AKAP7: variants seen among roughly 807,000 people sequenced by gnomAD.
The protein encoded by AKAP7 is A kinase (PRKA) anchor protein 7.
In AKAP7, 39 loss-of-function variants were observed where a neutral mutation model predicts 39.5. The observed-to-expected ratio is 0.99, with a 90% CI of 0.76 to 1.29. The LOEUF is 1.29. AKAP7 is among the 50% of genes most tolerant of loss of function. AKAP7 has a pLI of 0.00. For synonymous variants in AKAP7, 140 were observed against 139.1 expected, an observed-to-expected ratio of 1.01 and a Z score of -0.05; for missense variants, 414 against 407.7, an observed-to-expected ratio of 1.02 and a Z score of -0.13.
intron 5 of AKAP7, among the ~76,000 whole-genome samples, chr6:131,182,441 C>T (rs545593684): frequency 5.9e-5 from 9 of 152,252 alleles, no homozygotes; most frequent in Middle Eastern, 3.4e-3. Context: ...CTTAACATAA[C>T]GTCCTTAAGG....
At chr6:131,141,773 C>A (rs1450924706) in intron 1 of AKAP7, among the ~76,000 whole-genome samples, 5 of 152,110 alleles carry the variant, frequency 3.3e-5, no homozygotes, top group African/African-American at 1.2e-4. Flanking sequence ...CTGCAGTTAA[C>A]GTCTCTATGT....
At chr6:131,172,096 GA>G (rs1804112319) in intron 5 of AKAP7, among the ~76,000 whole-genome samples, 1 of 152,154 alleles carries the variant, frequency 6.6e-6, no homozygotes, top group South Asian at 2.1e-4. Flanking sequence ...ATGATAGCTA[GA>G]AGTTTTAAAA....
At chr6:131,275,694 A>C (rs1347310793) in intron 7 of AKAP7, among the ~76,000 whole-genome samples, 1 of 152,198 alleles carries the variant, frequency 6.6e-6, no homozygotes, top group Non-Finnish European at 1.5e-5. Context: ...ATGAGGAGCC[A>C]TGTGGAGGGC....
At chr6:131,260,204 T>C (rs959342133) in intron 7 of AKAP7, among the ~76,000 whole-genome samples, 1 of 152,230 alleles carries the variant, frequency 6.6e-6, no homozygotes, top group Admixed American at 6.5e-5. Context: ...TAGTCTATCA[T>C]TGATGGGCAT....
At chr6:131,152,985 CT>C (rs1802067148) in intron 2 of AKAP7, among the ~76,000 whole-genome samples, 1 of 151,894 alleles carries the variant, frequency 6.6e-6, no homozygotes, top group South Asian at 2.1e-4. Context: ...AAAAAATTAG[CT>C]GGGCATGGTG....
chr6:131,163,005 GCTCTCTCTCT>G (rs3836925), intron 3 of AKAP7, among the ~76,000 whole-genome samples: 3 of 150,080 alleles, frequency 2.0e-5, no homozygotes, highest in Non-Finnish European at 4.5e-5. Flanking sequence ...TTTCGCTCTC[GCTCTCTCTCT>G]CTCTCTGCTG....
At position 131,163,725 on chromosome 6, in the gene AKAP7, AT is replaced by A. The variant is rs1803207770; in HGVS notation, c.292-1355del. Among the ~76,000 whole-genome samples, 12 of 152,304 alleles carry A rather than the reference AT, an allele frequency of 7.9e-5. No individual in the cohort carries two copies. The South Asian group carries it at 2.5e-3, about 32-fold the overall frequency. On this transcript the variant is annotated intron_variant, in intron 3 of 7. Coordinates refer to ENST00000431975, the MANE Select transcript of AKAP7 (RefSeq NM_016377.4). The stretch of plus-strand genomic sequence containing the variant: ...ATATCCTAATTGGAAGTATATGAAA[AT>A]ATGTGTTTCCATTAACTTTCAATTG...
chr6:131,167,777 G>T (rs990284194), intron 4 of AKAP7, among the ~76,000 whole-genome samples: 2 of 152,124 alleles, frequency 1.3e-5, no homozygotes, highest in African/African-American at 4.8e-5. Flanking sequence ...ATGAGACTGA[G>T]TATAGAAGTC....
intron 2 of AKAP7, among the ~76,000 whole-genome samples, chr6:131,157,994 A>G (rs1351078078): frequency 1.3e-5 from 2 of 152,204 alleles, no homozygotes; most frequent in African/African-American, 2.4e-5. Flanking sequence ...AAGAAAACAT[A>G]TCTATTTCTA....
upstream of AKAP7, among the ~76,000 whole-genome samples, chr6:131,135,351 C>G (rs1800435912): frequency 6.6e-6 from 1 of 152,204 alleles, no homozygotes; most frequent in Admixed American, 6.5e-5. Flanking sequence ...AGAGTCGAGA[C>G]GACCTGGGCT....
chr6:131,155,441 T>G lies in AKAP7; in HGVS notation c.152-4618T>G, dbSNP rs144061205. On this transcript the variant is annotated intron_variant, in intron 2 of 7. Transcript: ENST00000431975. ...CTTATTACTCTAAAGTATCTATTAT[T>G]AAAGTTCCCCATCAGCCTTCCATCT... Among the ~76,000 whole-genome samples the G allele has an allele frequency of 2.0e-5, 3 of 152,354 alleles. No homozygotes were observed. In the East Asian group the frequency reaches 5.8e-4, roughly 29 times the overall value.
intron 5 of AKAP7, among the ~76,000 whole-genome samples, chr6:131,173,636 C>T (rs975963022): frequency 1.3e-5 from 2 of 152,150 alleles, no homozygotes; most frequent in African/African-American, 4.8e-5. Flanking sequence ...GAAGGCAACT[C>T]TAATTGTTCT....
intron 6 of AKAP7, among the ~76,000 whole-genome samples, chr6:131,210,690 A>G (rs547351463): frequency 6.6e-6 from 1 of 152,252 alleles, no homozygotes; most frequent in South Asian, 2.1e-4. Context: ...AGAGCAGAAT[A>G]TTTCTTTCAC....
chr6:131,217,538 A>C (rs942953701), intron 6 of AKAP7, among the ~76,000 whole-genome samples: 5 of 152,190 alleles, frequency 3.3e-5, no homozygotes, highest in African/African-American at 1.2e-4. Flanking sequence ...TGCCTTCAAA[A>C]GGCGTCATGC....
intron 5 of AKAP7, among the ~76,000 whole-genome samples, chr6:131,190,906 G>A (rs919783510): frequency 1.3e-5 from 2 of 152,176 alleles, no homozygotes; most frequent in African/African-American, 2.4e-5. Flanking sequence ...CCATGAGACT[G>A]TAACCTCCCA....
At chr6:131,219,864 CT>C in intron 7 of AKAP7, 56 bp downstream of exon 7, 3 of 1,234,292 alleles carry the variant, frequency 2.4e-6, no homozygotes, top group Non-Finnish European at 1.1e-6. Flanking sequence ...TTTGGCATCA[CT>C]TTTATCTTGG....
At chr6:131,275,229 G>A (rs896911045) in intron 7 of AKAP7, among the ~76,000 whole-genome samples, 2 of 152,134 alleles carry the variant, frequency 1.3e-5, no homozygotes, top group South Asian at 4.1e-4. Flanking sequence ...TTTAGCATGC[G>A]ATGTTTCAGG....
chr6:131,215,541 A>T (rs1464939792), intron 6 of AKAP7, among the ~76,000 whole-genome samples: 1 of 152,210 alleles, frequency 6.6e-6, no homozygotes, highest in Non-Finnish European at 1.5e-5. Context: ...GAGGTAACCA[A>T]GTGTTCTGTA....
chr6:131,264,361 A>G (rs146994932), intron 7 of AKAP7, among the ~76,000 whole-genome samples: 1,897 of 152,338 alleles, frequency 0.012, 27 homozygotes, highest in Non-Finnish European at 0.015. Flanking sequence ...GTCTGCTGGA[A>G]GCCTTTTGCA....
Sources: gnomAD v4.1 joint callset for allele counts (sites outside exome capture counted in the v4.1 genomes callset) on GRCh38, gnomAD v4.1.1 for gene constraint, MANE v1.5 for transcripts, NCBI Gene and HGNC (gene_info 2026-07-23, HGNC 2026-07-21) for gene names.